Variants in DST observed in about 807,000 individuals in gnomAD.
DST encodes dystonin, also known as bullous pemphigoid antigen.
Under a neutral mutation model 875.2 loss-of-function variants are expected in DST, and 253 were observed. The observed-to-expected ratio is 0.29, with a 90% CI of 0.26 to 0.32. The LOEUF (loss-of-function observed/expected upper bound fraction) is 0.32. Among genes scored for constraint, DST ranks in the 10% least tolerant of loss-of-function variants. The pLI is 1.00. For missense variants in DST, 8,287 were observed against 9,111.6 expected (o/e 0.91, Z 3.68); for synonymous variants, 3,124 against 3,197.1 (o/e 0.98, Z 0.77).
At position 56,534,170 on chromosome 6, in the gene DST, T is replaced by C. The variant is rs566465841; in HGVS notation, c.16941+952A>G. ...AATAAGCCAGGTACAGAAAGAGAAA[T>C]TTAAAATGTTGTCTTTTTTATAAAT... On this transcript the variant is annotated intron_variant, in intron 63 of 103. Transcript: ENST00000680361. 4.6e-5 allele frequency among the ~76,000 whole-genome samples: 7 copies of C among 152,268 alleles called. No homozygotes were observed. The South Asian group carries it at 1.5e-3, about 32-fold the overall frequency.
At position 56,528,882 on chromosome 6, in the gene DST, T is replaced by A. The variant is rs772111410; in HGVS notation, c.17639A>T (p.Gln5880Leu). ...DILLRKQNVD[Q>L]ALLNGLELLK... ...TAGTTCTAAACCATTTAGTAAAGCC[T>A]GATCTACATTTTGTTTCCTGAGTAA... The change falls in exon 67 of 104, where the codon CAG becomes CTG. Residue 5880 changes from glutamine (Q) to leucine (L), a missense_variant. Transcript: ENST00000680361. 2 of 1,587,258 alleles carry A rather than the reference T, an allele frequency of 1.3e-6. No individual in the cohort carries two copies. Among genetic ancestry groups the A allele is most frequent in the South Asian group, 2.3e-5 (2 of 87,052 alleles).
rs750534992 is a variant in DST at position 56,605,950 on chromosome 6, C to T, written c.8678G>A (p.Ser2893Asn). Residue 2893 changes from serine (S) to asparagine (N), a missense_variant, in exon 40 of 104, where the codon AGC (serine) becomes AAC (asparagine). Transcript: ENST00000680361. ...PSENNLVTEKSNLPEYTTEIA... is the reference protein window; with the variant it reads ...PSENNLVTEKNNLPEYTTEIA... ...CTCAGTTGTATATTCTGGAAGGTTG[C>T]TTTTTTCAGTAACTAAGTTATTTTC... The T allele has an allele frequency of 1.4e-5, 22 of 1,612,428 alleles. No homozygotes were observed. The highest frequency in any genetic ancestry group is 4.0e-5 in the African/African-American group (3 of 74,836).
intron 78 of DST, among the ~76,000 whole-genome samples, chr6:56,502,716 C>A (rs1248556747): frequency 6.6e-6 from 1 of 151,930 alleles, no homozygotes. Flanking sequence ...GCCACATGAA[C>A]AAATTAAAGT....
intron 1 of DST, among the ~76,000 whole-genome samples, 196 bp from the exon 2 acceptor site, chr6:56,954,015 A>C (rs937659798): frequency 6.6e-6 from 1 of 152,178 alleles, no homozygotes; most frequent in Non-Finnish European, 1.5e-5. Flanking sequence ...AGAAGTTTGC[A>C]TGAAAGTTCT....
intron 9 of DST, among the ~76,000 whole-genome samples, chr6:56,697,129 CT>C (rs2099268272): frequency 6.6e-6 from 1 of 152,172 alleles, no homozygotes; most frequent in Non-Finnish European, 1.5e-5. Flanking sequence ...AGCATCACCC[CT>C]GTGTCTCTCA....
chr6:56,712,437 C>T (rs188647920), intron 5 of DST, among the ~76,000 whole-genome samples: 263 of 152,188 alleles, frequency 1.7e-3, no homozygotes, highest in Non-Finnish European at 2.9e-3. Flanking sequence ...TATCACTTAA[C>T]GTGTCTAAGG....
intron 103 of DST, among the ~76,000 whole-genome samples, chr6:56,459,695 T>G (rs996350866): frequency 6.6e-6 from 1 of 152,194 alleles, no homozygotes; most frequent in Admixed American, 6.5e-5. Flanking sequence ...CAGATGAGAT[T>G]GGAAACTTTA....
At chr6:56,791,122 C>T (rs185067090) in intron 4 of DST, among the ~76,000 whole-genome samples, 25 of 152,322 alleles carry the variant, frequency 1.6e-4, no homozygotes, top group Admixed American at 7.8e-4. Flanking sequence ...TATCCTTACA[C>T]GAATCCTTTA....
At chr6:56,622,819 A>C (rs2098702739) in intron 36 of DST, among the ~76,000 whole-genome samples, 1 of 152,154 alleles carries the variant, frequency 6.6e-6, no homozygotes, top group Non-Finnish European at 1.5e-5. Flanking sequence ...TCTAATATCT[A>C]ATATCTATTA....
chr6:56,875,766 G>A (rs1192294799), intron 3 of DST, among the ~76,000 whole-genome samples: 1 of 152,092 alleles, frequency 6.6e-6, no homozygotes, highest in Non-Finnish European at 1.5e-5. Context: ...TCTTAGCACA[G>A]GTGAACTTAT....
At position 56,639,679 on chromosome 6, in the gene DST, T is replaced by C; in HGVS notation, c.2697+17A>G. 1 of 1,297,120 alleles carries C rather than the reference T, an allele frequency of 7.7e-7. No homozygotes were observed. The highest frequency in any genetic ancestry group is 1.1e-6 in the Non-Finnish European group (1 of 933,350). The allele number at this position is 1,297,120 out of a possible 1,614,324, so 80.4% of individuals were successfully genotyped here. On this transcript the variant is annotated intron_variant, in intron 20 of 103. Transcript: ENST00000680361. ...ATATAGATAAGGGAAACAGAAGGTTTAAAAAAAAAAACTTACCAAGAGTTT... is the reference window on the plus strand; with the variant it reads ...ATATAGATAAGGGAAACAGAAGGTTCAAAAAAAAAAACTTACCAAGAGTTT...
intron 4 of DST, among the ~76,000 whole-genome samples, chr6:56,817,268 G>A (rs921972517): frequency 6.6e-6 from 1 of 151,982 alleles, no homozygotes; most frequent in Non-Finnish European, 1.5e-5. Flanking sequence ...TTTCTTAAAT[G>A]AACAAGAATA....
intron 4 of DST, among the ~76,000 whole-genome samples, chr6:56,754,920 G>C (rs2152955877): frequency 6.6e-6 from 1 of 152,056 alleles, no homozygotes; most frequent in Admixed American, 6.6e-5. Context: ...AATCAGAAAG[G>C]AATGAGATAA....
chr6:56,602,280 T>C (rs765147586), intron 43 of DST, among the ~76,000 whole-genome samples: 2 of 151,860 alleles, frequency 1.3e-5, no homozygotes, highest in African/African-American at 4.8e-5. Flanking sequence ...TCCCATAAGA[T>C]TACAATGCCT....
Position 56,641,999 on chromosome 6 carries a change from C to T in DST, c.1975G>A (p.Val659Ile), listed in dbSNP as rs762545607. 4 of 1,613,378 alleles carry T rather than the reference C, an allele frequency of 2.5e-6. No individual in the cohort carries two copies. The highest frequency in any genetic ancestry group is 8.5e-7 in the Non-Finnish European group (1 of 1,179,546). Residue 659 changes from valine to isoleucine, a missense_variant, in exon 17 of 104, where the codon GTA becomes ATA. By Grantham distance (29) the Val-to-Ile change is conservative (BLOSUM62 3). Transcript: ENST00000680361. ...TATTTTCCATCAATAAGAATCTGTA[C>T]ATCAATTACATGCTGGCGTAAAAGG... is the stretch of plus-strand genomic sequence containing the variant. ...ENLLRQHVID[V>I]QILIDGKYYQ...
intron 44 of DST, among the ~76,000 whole-genome samples, chr6:56,600,632 G>C (rs1014781818): frequency 5.9e-5 from 9 of 152,046 alleles, no homozygotes; most frequent in Admixed American, 3.3e-4. Flanking sequence ...TATCATGCTA[G>C]AGACAATGTC....
At chr6:56,662,730 A>G (rs1455987851) in intron 10 of DST, among the ~76,000 whole-genome samples, 1 of 152,166 alleles carries the variant, frequency 6.6e-6, no homozygotes, top group Non-Finnish European at 1.5e-5. Context: ...ATTTGAGGTC[A>G]GGAGTTTGAG....
chr6:56,614,534 G>A, intron 36 of DST, 50 bp from the exon 37 acceptor site: 1 of 1,495,380 alleles, frequency 6.7e-7, no homozygotes, highest in African/African-American at 1.4e-5. Context: ...AAATGACTTA[G>A]CTATTAAACT....
chr6:56,809,308 G>A (rs1184276647), intron 4 of DST, among the ~76,000 whole-genome samples: 2 of 152,116 alleles, frequency 1.3e-5, no homozygotes, highest in Non-Finnish European at 2.9e-5. Flanking sequence ...GCCCCTCCCC[G>A]AGTGAGGCAT....
Sources: allele counts gnomAD v4.1 joint callset (sites outside exome capture counted in the v4.1 genomes callset), GRCh38; gene constraint gnomAD v4.1.1; transcripts MANE v1.5; gene names NCBI Gene and HGNC (gene_info 2026-07-23, HGNC 2026-07-21).